CEL: variants seen among roughly 807,000 people sequenced by gnomAD.
CEL encodes bile salt-activated lipase.
In CEL, 39 loss-of-function variants were observed where a neutral mutation model predicts 57.1. That is an observed-to-expected ratio of 0.68 (90% CI 0.53 to 0.89). The LOEUF is 0.89. CEL is among the 40% of genes least tolerant of loss of function. The probability of loss-of-function intolerance (pLI) is 0.00; values close to 1 mark genes in which losing one functional copy is unlikely to be tolerated. For missense variants in CEL, 698 were observed against 915.0 expected, an observed-to-expected ratio of 0.76 and a Z score of 3.06; for synonymous variants, 314 against 396.6, an observed-to-expected ratio of 0.79 and a Z score of 2.48.
At chr9:133,069,745 A>G (rs1179738554) in intron 9 of CEL, among the ~76,000 whole-genome samples, 1 of 152,116 alleles carries the variant, frequency 6.6e-6, no homozygotes, top group Non-Finnish European at 1.5e-5. Context: ...TCAAGGTGGG[A>G]GGATCACTTG....
Position 133,066,863 on chromosome 9 carries a change from T to A in CEL, c.695T>A (p.Leu232His). The A allele has an allele frequency of 6.2e-7, 1 of 1,611,242 alleles. No individual in the cohort carries two copies. Among genetic ancestry groups the A allele is most frequent in the Non-Finnish European group, 8.5e-7 (1 of 1,178,964 alleles). ...LQTLSPYNKGLIRRAISQSGV... is the reference protein window; with the variant it reads ...LQTLSPYNKGHIRRAISQSGV... ...ACCCTCTCCCCCTACAACAAGGGCC[T>A]CATCCGGCGAGCCATCAGCCAGAGC... The change falls in exon 6 of 11, where the codon CTC (leucine) becomes CAC (histidine). Residue 232 changes from leucine (L) to histidine (H), a missense_variant. This residue lies in a region of CEL where 327 missense variants were observed against 374.1 expected (regional missense o/e 0.87). Coordinates refer to ENST00000372080, the MANE Select transcript of CEL (RefSeq NM_001807.6). This position sits in a 1 kb window ranked among gnomAD's most constrained non-coding sequence, Gnocchi z 4.3.
chr9:133,070,799 T>G (rs912184664), intron 10 of CEL, 141 bp downstream of exon 10: 1 of 1,262,660 alleles, frequency 7.9e-7, no homozygotes, highest in Non-Finnish European at 1.1e-6. Context: ...CATGTGTGTT[T>G]GAGGATGAGA....
chr9:133,067,207 T>A lies in CEL; in HGVS notation c.895+2T>A. On this transcript the variant is annotated splice_donor_variant, in intron 7 of 10. Coordinates refer to ENST00000372080, the MANE Select transcript of CEL (RefSeq NM_001807.6). LOFTEE classifies it high-confidence loss of function. ...AGGTGCCGCTGGCAGGCCTGGAGTG[T>A]GAGTAGCTGCTCGGGTTGGCCCATG... 3.7e-6 allele frequency: 6 copies of A among 1,613,162 alleles called. No homozygotes were observed. Among genetic ancestry groups the A allele is most frequent in the Non-Finnish European group, 5.1e-6 (6 of 1,179,638 alleles).
chr9:133,066,631 T>A lies in CEL; in HGVS notation c.640T>A (p.Ser214Thr). The change falls in exon 5 of 11, where the codon TCT (serine) becomes ACT (threonine). Residue 214 changes from serine to threonine, a missense_variant. Transcript: ENST00000372080. The surrounding 1 kb of genome is among the most constrained non-coding windows in gnomAD (Gnocchi z 4.3). ...DPNNITLFGE[S>T]AGGASVSLQT... Reference sequence around the variant, plus strand: ...CAACAACATCACGCTCTTCGGGGAGTCTGCTGGAGGTGCCAGCGTCTCTCT... The same window carrying A: ...CAACAACATCACGCTCTTCGGGGAGACTGCTGGAGGTGCCAGCGTCTCTCT... 1 of 1,612,990 alleles carries A rather than the reference T, an allele frequency of 6.2e-7. No homozygotes were observed. Among genetic ancestry groups the A allele is most frequent in the Non-Finnish European group, 8.5e-7 (1 of 1,179,826 alleles).
chr9:133,068,056 T>C (rs566923362), intron 7 of CEL, among the ~76,000 whole-genome samples: 184 of 152,312 alleles, frequency 1.2e-3, no homozygotes, highest in African/African-American at 4.2e-3. Flanking sequence ...TTACCTGACA[T>C]GAGCTCAACT....
intron 8 of CEL, 65 bp from the exon 9 acceptor site, chr9:133,068,991 G>T (rs1158870965): frequency 3.2e-5 from 52 of 1,602,144 alleles, no homozygotes; most frequent in Non-Finnish European, 4.2e-5. Context: ...CACCGGTCGG[G>T]GTGAGTATGC....
chr9:133,071,187 C>T lies in CEL; in HGVS notation c.1685C>T (p.Pro562Leu), dbSNP rs766853934. Residue 562 changes from proline (P) to leucine (L), a missense_variant, in exon 11 of 11, where the codon CCC (proline) becomes CTC (leucine). Around this residue, in one of 6 missense-constraint regions of CEL, gnomAD observed 238 missense variants for 213.7 expected, o/e 1.11. Coordinates refer to ENST00000372080, the MANE Select transcript of CEL (RefSeq NM_001807.6). Reference sequence around the variant, plus strand: ...GACCAGGAGGCCACCCCTGTGCCCCCCACAGGGGACTCCGAGGCCACTCCC... The same window carrying T: ...GACCAGGAGGCCACCCCTGTGCCCCTCACAGGGGACTCCGAGGCCACTCCC... Reference protein sequence around the residue: ...VTDQEATPVPPTGDSEATPVP... With the variant: ...VTDQEATPVPLTGDSEATPVP... The T allele has an allele frequency of 3.1e-6, 5 of 1,605,228 alleles. No individual in the cohort carries two copies. The highest frequency in any genetic ancestry group is 1.7e-4 in the Middle Eastern group (1 of 6,058).
At position 133,066,812 on chromosome 9, in the gene CEL, G is replaced by C. The variant is rs549454090; in HGVS notation, c.670-26G>C. 8.5e-5 allele frequency: 136 copies of C among 1,609,170 alleles called. 2 individuals carry two copies. In the South Asian group the frequency reaches 1.3e-3, roughly 16 times the overall value. On this transcript the variant is annotated intron_variant, in intron 5 of 10. Transcript: ENST00000372080. This position sits in a 1 kb window ranked among gnomAD's most constrained non-coding sequence, Gnocchi z 4.3. ...GGTGGGCAGAGTGGGGAGCGGCCTT[G>C]GTGACGGGATTTCTGGGTCCCGTAG...
chr9:133,064,792 C>A, intron 3 of CEL, 30 bp downstream of exon 3: 1 of 1,613,536 alleles, frequency 6.2e-7, no homozygotes, highest in Non-Finnish European at 8.5e-7. Flanking sequence ...CCCAAGGGAC[C>A]CTCCCATGCA....
intron 1 of CEL, among the ~76,000 whole-genome samples, chr9:133,063,351 G>C (rs1830122084): frequency 6.6e-6 from 1 of 152,200 alleles, no homozygotes; most frequent in Non-Finnish European, 1.5e-5. Context: ...TGCCTCGCAG[G>C]GGATGCCCAC....
chr9:133,066,091 T>C lies in CEL; in HGVS notation c.539-439T>C, dbSNP rs182400296. Among the ~76,000 whole-genome samples the C allele has an allele frequency of 5.0e-3, 753 of 152,054 alleles. 6 individuals are homozygous for C. Among genetic ancestry groups the C allele is most frequent in the South Asian group, 0.014 (66 of 4,766 alleles). Reference sequence around the variant, plus strand: ...CAGAGAGAAACCAGGAGAGCAGAGCTGAGTGAGAGACAGAGAACAATACCT... The same window carrying C: ...CAGAGAGAAACCAGGAGAGCAGAGCCGAGTGAGAGACAGAGAACAATACCT... On this transcript the variant is annotated intron_variant, in intron 4 of 10. Transcript: ENST00000372080. The surrounding 1 kb of genome is among the most constrained non-coding windows in gnomAD (Gnocchi z 4.3).
rs369388015 is a variant in CEL at position 133,064,446 on chromosome 9, A to C, written c.109A>C (p.Asn37His). The C allele has an allele frequency of 1.9e-6, 3 of 1,614,120 alleles. No homozygotes were observed. Among genetic ancestry groups the C allele is most frequent in the Non-Finnish European group, 2.5e-6 (3 of 1,180,014 alleles). ...YTEGGFVEGVNKKLGLLGDSV... is the reference protein window; with the variant it reads ...YTEGGFVEGVHKKLGLLGDSV... ...AGAAGGTGGGTTCGTGGAAGGCGTC[A>C]ATAAGAAGCTCGGCCTCCTGGGTGA... The change falls in exon 2 of 11, where the codon AAT becomes CAT. Residue 37 changes from asparagine to histidine, a missense_variant. Physicochemically the swap from Asn to His is moderately conservative, Grantham distance 68. This residue lies in a region of CEL where 327 missense variants were observed against 374.1 expected (regional missense o/e 0.87). Transcript: ENST00000372080.
chr9:133,069,160 CCCA>C lies in CEL; in HGVS notation c.1188_1190del (p.Gln397del). The C allele has an allele frequency of 1.1e-6, 1 of 882,556 alleles. No individual in the cohort carries two copies. Among genetic ancestry groups the C allele is most frequent in the Non-Finnish European group, 1.8e-6 (1 of 558,674 alleles). 54.7% of individuals were successfully genotyped at this position (882,556 alleles called of 1,614,324 possible). A position where few individuals can be genotyped will look rare whatever the true frequency, so the allele number is the denominator to read the frequency against. On this transcript the variant is annotated inframe_deletion, in exon 9 of 11. Transcript: ENST00000372080. ...ACCGAGTCCTGGGCCCAGGACCCAT[CCCA>C]GGAGAATAAGAAGAAGACTGTGGTG...
Position 133,071,243 on chromosome 9 carries a change from C to T in CEL, c.1741C>T (p.Pro581Ser). 1 of 1,581,252 alleles carries T rather than the reference C, an allele frequency of 6.3e-7. No homozygotes were observed. The highest frequency in any genetic ancestry group is 8.5e-7 in the Non-Finnish European group (1 of 1,171,654). ...VPPTGDSETA[P>S]VPPTGDSGAP... ...CCCCACGGGTGACTCCGAGACCGCC[C>T]CCGTGCCGCCCACGGGTGACTCCGG... The change falls in exon 11 of 11, where the codon CCC (proline) becomes TCC (serine). Residue 581 changes from proline (P) to serine (S), a missense_variant. By Grantham distance (74) the Pro-to-Ser change is moderately conservative (BLOSUM62 -1). Around this residue, in one of 6 missense-constraint regions of CEL, gnomAD observed 238 missense variants for 213.7 expected, o/e 1.11. Transcript: ENST00000372080.
At chr9:133,065,998 A>G (rs1482066288) in intron 4 of CEL, among the ~76,000 whole-genome samples, 1 of 152,190 alleles carries the variant, frequency 6.6e-6, no homozygotes, top group Non-Finnish European at 1.5e-5. Flanking sequence ...AGCCTGGGCG[A>G]CAGAGTGAGG....
rs1402276437 is a variant in CEL at position 133,066,175 on chromosome 9, C to T, written c.539-355C>T. On this transcript the variant is annotated intron_variant, in intron 4 of 10. Transcript: ENST00000372080. The surrounding 1 kb of genome is among the most constrained non-coding windows in gnomAD (Gnocchi z 4.3). The stretch of plus-strand genomic sequence containing the variant: ...AGGACACAGACAGGAGGGACTGGGG[C>T]AGGGGCAGGAGAGGTGCATGGGCCT... 6.6e-6 allele frequency among the ~76,000 whole-genome samples: 1 copy of T among 152,096 alleles called. No individual in the cohort carries two copies. The highest frequency in any genetic ancestry group is 2.4e-5 in the African/African-American group (1 of 41,392).
intron 9 of CEL, among the ~76,000 whole-genome samples, chr9:133,069,960 G>C (rs908529403): frequency 2.6e-5 from 4 of 152,068 alleles, no homozygotes; most frequent in Non-Finnish European, 5.9e-5. Flanking sequence ...AACAGAGTGA[G>C]ACTGTGTCTC....
intron 7 of CEL, 87 bp from the exon 8 acceptor site, chr9:133,068,585 G>A: frequency 1.3e-6 from 2 of 1,589,728 alleles, no homozygotes; most frequent in Non-Finnish European, 1.7e-6. Context: ...GGAGGACATA[G>A]CCAATTCCAG....
chr9:133,071,851 T>A lies in CEL; in HGVS notation c.*87T>A. ...TCTTGAGCTCTTCCTGAATAAAGCC[T>A]CATACCCCTGTCGGTGTCTTTCTTT... On this transcript the variant is annotated 3_prime_UTR_variant, in exon 11 of 11. Transcript: ENST00000372080. The A allele has an allele frequency of 1.6e-6, 2 of 1,237,552 alleles. No individual in the cohort carries two copies. Among genetic ancestry groups the A allele is most frequent in the Non-Finnish European group, 2.3e-6 (2 of 853,136 alleles). The allele number at this position is 1,237,552 out of a possible 1,614,324, so 76.7% of individuals were successfully genotyped here. A position where few individuals can be genotyped will look rare whatever the true frequency, so the allele number is the denominator to read the frequency against.
Sources: gnomAD v4.1 joint callset for allele counts (sites outside exome capture counted in the v4.1 genomes callset) on GRCh38, gnomAD v4.1.1 for gene constraint, gnomAD v4.1.1 regional missense constraint, Gnocchi (gnomAD v3.1) non-coding constraint, MANE v1.5 for transcripts, NCBI Gene and HGNC (gene_info 2026-07-23, HGNC 2026-07-21) for gene names.